LOC400499: variants seen among roughly 807,000 people sequenced by gnomAD.
At chr16:11,514,409 A>G in the LOC400499 span, 1 of 399,086 alleles carries the variant, frequency 2.5e-6, no homozygotes, top group Non-Finnish European at 4.4e-6. Context: ...GAGTGAGGAG[A>G]GGGTCCTCAT....
the LOC400499 span, among the ~76,000 whole-genome samples, chr16:11,448,579 A>G: frequency 1.3e-5 from 2 of 151,834 alleles, no homozygotes. Context: ...TCAGTGATGC[A>G]TGGTGGCATG....
chr16:11,394,714 C>A, the LOC400499 span, among the ~76,000 whole-genome samples: 2 of 152,220 alleles, frequency 1.3e-5, no homozygotes, highest in African/African-American at 4.8e-5. Flanking sequence ...AGATGCCACC[C>A]AGAAGGCAGA....
chr16:11,502,679 A>G, the LOC400499 span, among the ~76,000 whole-genome samples: 1 of 151,298 alleles, frequency 6.6e-6, no homozygotes, highest in East Asian at 1.9e-4. Context: ...CAGTGGCGCA[A>G]TCTCGGCTCA....
At chr16:11,460,777 G>T in the LOC400499 span, among the ~76,000 whole-genome samples, 31 of 152,374 alleles carry the variant, frequency 2.0e-4, no homozygotes, top group Admixed American at 5.9e-4. Context: ...TTAAGAGATG[G>T]GTGAATGTCT....
At chr16:11,492,459 G>C in the LOC400499 span, among the ~76,000 whole-genome samples, 2 of 152,210 alleles carry the variant, frequency 1.3e-5, no homozygotes, top group African/African-American at 4.8e-5. Flanking sequence ...CAGGGAGACA[G>C]TCAATGAGAT....
At chr16:11,443,108 G>A in the LOC400499 span, among the ~76,000 whole-genome samples, 1 of 152,002 alleles carries the variant, frequency 6.6e-6, no homozygotes, top group South Asian at 2.1e-4. Context: ...GGGATCACCT[G>A]AGGTCAGGAG....
At chr16:11,479,477 G>C in the LOC400499 span, among the ~76,000 whole-genome samples, 2 of 139,592 alleles carry the variant, frequency 1.4e-5, no homozygotes, top group African/African-American at 2.8e-5. Flanking sequence ...AAAAAAAAAA[G>C]CCGGGTATGG....
the LOC400499 span, among the ~76,000 whole-genome samples, chr16:11,378,511 A>G: frequency 6.6e-6 from 1 of 152,010 alleles, no homozygotes; most frequent in Non-Finnish European, 1.5e-5. Flanking sequence ...TGATTTGCCC[A>G]CCTCGGCCTC....
the LOC400499 span, among the ~76,000 whole-genome samples, chr16:11,509,866 CCAAA>C: frequency 1.3e-5 from 2 of 152,056 alleles, no homozygotes; most frequent in African/African-American, 4.8e-5. Flanking sequence ...ACCAGACCAC[CCAAA>C]CAGACACAGT....
chr16:11,468,366 C>T, the LOC400499 span, among the ~76,000 whole-genome samples: 1 of 152,194 alleles, frequency 6.6e-6, no homozygotes, highest in Non-Finnish European at 1.5e-5. Context: ...CTTTGTCACC[C>T]AGGCTGGAGT....
At chr16:11,384,135 G>C in the LOC400499 span, 45,634 of 1,212,700 alleles carry the variant, frequency 0.038, 963 homozygotes, top group Non-Finnish European at 0.043. Context: ...CCATCAGGCC[G>C]CCTGCCTCTC....
At chr16:11,467,504 C>T in the LOC400499 span, among the ~76,000 whole-genome samples, 9 of 151,802 alleles carry the variant, frequency 5.9e-5, no homozygotes, top group African/African-American at 2.2e-4. Context: ...CCCAGCTACT[C>T]GGGAGGCTGA....
At chr16:11,432,837 T>C in the LOC400499 span, among the ~76,000 whole-genome samples, 1 of 152,230 alleles carries the variant, frequency 6.6e-6, no homozygotes, top group Non-Finnish European at 1.5e-5. Context: ...TCCCTTTGCA[T>C]TGGCTGCTAG....
chr16:11,460,905 G>T, the LOC400499 span: 1 of 1,464,512 alleles, frequency 6.8e-7, no homozygotes, highest in Non-Finnish European at 9.0e-7. Context: ...ACAGCCCTAG[G>T]AAACAGGGCA....
At chr16:11,400,494 G>T in the LOC400499 span, among the ~76,000 whole-genome samples, 1 of 149,544 alleles carries the variant, frequency 6.7e-6, no homozygotes, top group East Asian at 2.0e-4. Context: ...AGGCTGGAGT[G>T]CAGTGGCGTG....
chr16:11,409,032 G>T, the LOC400499 span, among the ~76,000 whole-genome samples: 759 of 152,012 alleles, frequency 5.0e-3, 9 homozygotes, highest in African/African-American at 0.018. Context: ...AGGCTGAGGT[G>T]GGCAGATCAT....
At chr16:11,408,286 G>C in the LOC400499 span, among the ~76,000 whole-genome samples, 1 of 151,938 alleles carries the variant, frequency 6.6e-6, no homozygotes, top group Non-Finnish European at 1.5e-5. Flanking sequence ...CCAGCCAAGA[G>C]CTGGTATTTT....
chr16:11,394,908 T>C, the LOC400499 span, among the ~76,000 whole-genome samples: 2 of 152,254 alleles, frequency 1.3e-5, no homozygotes, highest in Non-Finnish European at 2.9e-5. Context: ...CATACCTGTC[T>C]GTTGCATTAA....
chr16:11,523,475 T>C, the LOC400499 span: 1 of 398,666 alleles, frequency 2.5e-6, no homozygotes, highest in Non-Finnish European at 4.4e-6. Flanking sequence ...CTGGAATTTC[T>C]GAAATCGCAA....
Sources: gnomAD v4.1 joint callset for allele counts (sites outside exome capture counted in the v4.1 genomes callset) on GRCh38, gnomAD v4.1.1 for gene constraint, MANE v1.5 for transcripts.